Variants in ZNHIT3 observed in about 807,000 individuals in gnomAD.
ZNHIT3 encodes the protein zinc finger HIT-type containing 3, also known as zinc finger HIT domain-containing protein 3.
In ZNHIT3, 27 loss-of-function variants were observed where a neutral mutation model predicts 19.9. The ratio of observed to expected loss-of-function variants is 1.36; its 90% CI spans 1.00 to 1.87. ZNHIT3 has a LOEUF of 1.87. Ranked by LOEUF, ZNHIT3 falls within the 40% of genes most tolerant of loss-of-function variation. ZNHIT3 has a pLI of 0.00. For synonymous variants in ZNHIT3, 81 were observed against 65.7 expected (o/e 1.23, Z -1.13); for missense variants, 215 against 185.6 (o/e 1.16, Z -0.92).
At chr17:36,498,634 C>CT (rs1016172409), downstream of ZNHIT3, 6 of 1,449,268 alleles carry the variant, frequency 4.1e-6, no homozygotes, top group African/African-American at 7.1e-5. Flanking sequence ...TCAAAACTAT[C>CT]TTTAACAAAT....
chr17:36,493,101 G>A (rs1001547696), intron 3 of ZNHIT3: 3 of 602,150 alleles, frequency 5.0e-6, no homozygotes, highest in African/African-American at 3.7e-5. Flanking sequence ...GTATTCAGGA[G>A]AAGAAAAATG....
chr17:36,496,214 G>A (rs756348401), downstream of ZNHIT3: 12 of 1,609,938 alleles, frequency 7.5e-6, no homozygotes, highest in Admixed American at 5.0e-5. Flanking sequence ...AAGGCAGGGG[G>A]CAGGAAAAGG....
In ZNHIT3 at chr17:36,492,868, T is replaced by C. The variant is rs904573066; in HGVS notation, c.174T>C (p.Pro58=). The C allele has an allele frequency of 1.9e-6, 3 of 1,614,098 alleles. No individual in the cohort carries two copies. In the African/African-American group the frequency reaches 4.0e-5, roughly 22 times the overall value. Residue 58 remains proline, a synonymous_variant, in exon 3 of 5, where the codon CCT becomes CCC. Transcript: ENST00000617429. ...AGAAAAAAATAAGATCAGCTCTTCC[T>C]ACCAAAACCGTAAAGCCTGTGGAAA... ...PVEKKIRSAL[P]TKTVKPVENK...
chr17:36,498,486 G>C (rs770644004), downstream of ZNHIT3: 16 of 1,613,944 alleles, frequency 9.9e-6, no homozygotes, highest in East Asian at 6.7e-5. Flanking sequence ...GGTGCTCAGG[G>C]AACAGGGAGC....
downstream of ZNHIT3, chr17:36,495,943 A>G (rs79600307): frequency 1.7e-4 from 176 of 1,014,738 alleles, no homozygotes; most frequent in African/African-American, 2.7e-3. Context: ...TGGGATCCCC[A>G]GTGTAGTGAC....
Position 36,486,724 on chromosome 17 carries a change from G to A in ZNHIT3, c.25G>A (p.Val9Ile), listed in dbSNP as rs1361144102. The A allele has an allele frequency of 1.9e-6, 3 of 1,613,770 alleles. No individual in the cohort carries two copies. The highest frequency in any genetic ancestry group is 1.7e-5 in the Admixed American group (1 of 59,972). MASLKCST[V>I]VCVICLEKPK... ...CATGGCGTCGCTCAAATGTAGCACC[G>A]TCGTCTGCGTGATCTGCTTGGAGAA... Residue 9 changes from valine to isoleucine, a missense_variant, in exon 1 of 5, where the codon GTC becomes ATC. By Grantham distance (29) the Val-to-Ile change is conservative (BLOSUM62 3). Coordinates refer to ENST00000617429, the MANE Select transcript of ZNHIT3 (RefSeq NM_004773.4).
intron 3 of ZNHIT3, chr17:36,493,402 AAGC>A (rs1178272328): frequency 5.8e-6 from 1 of 173,758 alleles, no homozygotes; most frequent in East Asian, 1.7e-4. Context: ...CAGGCTCTGA[AAGC>A]AGCCCCTCTG....
downstream of ZNHIT3, chr17:36,496,059 C>A: frequency 1.2e-6 from 1 of 852,256 alleles, no homozygotes; most frequent in East Asian, 2.7e-5. Flanking sequence ...ACCATCAGTG[C>A]TTGATGTAGC....
At chr17:36,499,140 G>T, downstream of ZNHIT3, 1 of 1,607,854 alleles carries the variant, frequency 6.2e-7, no homozygotes, top group South Asian at 1.1e-5. Flanking sequence ...ATGTGTTTCC[G>T]AGTTAACCAG....
intron 3 of ZNHIT3, chr17:36,493,128 G>C: frequency 1.7e-6 from 1 of 581,764 alleles, no homozygotes; most frequent in Non-Finnish European, 3.0e-6. Flanking sequence ...AGACAGAGAT[G>C]AGAAAGGCCA....
At chr17:36,496,853 A>C (rs1276988076), downstream of ZNHIT3, among the ~76,000 whole-genome samples, 1 of 152,168 alleles carries the variant, frequency 6.6e-6, no homozygotes. Flanking sequence ...TGTCTTAGCC[A>C]AGATCATCCA....
downstream of ZNHIT3, chr17:36,496,146 G>GC (rs2070945861): frequency 2.1e-6 from 3 of 1,437,880 alleles, no homozygotes; most frequent in Non-Finnish European, 2.9e-6. Context: ...TTGTTCATGT[G>GC]CATTTGGAGC....
In ZNHIT3 at chr17:36,495,471, A is replaced by G; in HGVS notation, c.*67A>G. On this transcript the variant is annotated 3_prime_UTR_variant, in exon 5 of 5. Transcript: ENST00000617429. Reference sequence around the variant, plus strand: ...CTGGAACCTGCCTGCTCCCTCTCCCAGACCAGCTAGTTTGGGGCTGGGGAG... The same window carrying G: ...CTGGAACCTGCCTGCTCCCTCTCCCGGACCAGCTAGTTTGGGGCTGGGGAG... 1 of 1,478,284 alleles carries G rather than the reference A, an allele frequency of 6.8e-7. No individual in the cohort carries two copies. The highest frequency in any genetic ancestry group is 9.0e-7 in the Non-Finnish European group (1 of 1,117,238). The allele number at this position is 1,478,284 out of a possible 1,614,324, so 91.6% of individuals were successfully genotyped here. A position where few individuals can be genotyped will look rare whatever the true frequency, so the allele number is the denominator to read the frequency against.
intron 3 of ZNHIT3, chr17:36,493,175 G>T: frequency 2.0e-6 from 1 of 507,332 alleles, no homozygotes. Flanking sequence ...GGCCCTGCTG[G>T]CAGGAGCCTT....
chr17:36,498,818 C>T (rs1304115241), downstream of ZNHIT3: 2 of 594,380 alleles, frequency 3.4e-6, no homozygotes, highest in African/African-American at 3.7e-5. Flanking sequence ...TGCCATAAAA[C>T]CCAGTCTTCT....
chr17:36,487,551 T>C (rs2070602784), intron 2 of ZNHIT3, among the ~76,000 whole-genome samples: 1 of 152,164 alleles, frequency 6.6e-6, no homozygotes, highest in Non-Finnish European at 1.5e-5. Flanking sequence ...CCCGGCACTT[T>C]GAGAGGCCAA....
downstream of ZNHIT3, chr17:36,498,633 T>G: frequency 6.9e-7 from 1 of 1,451,636 alleles, no homozygotes; most frequent in South Asian, 1.4e-5. Flanking sequence ...ATCAAAACTA[T>G]CTTTAACAAA....
At chr17:36,487,801 G>C (rs1204269931) in intron 2 of ZNHIT3, among the ~76,000 whole-genome samples, 1 of 128,582 alleles carries the variant, frequency 7.8e-6, no homozygotes, top group Non-Finnish European at 1.6e-5. Flanking sequence ...GAAAAAAAAA[G>C]AAAAAAAAAA....
chr17:36,491,389 TG>T (rs1224753621), intron 2 of ZNHIT3: 1 of 152,080 alleles, frequency 6.6e-6, no homozygotes, highest in Non-Finnish European at 1.5e-5. Context: ...TGGAGTGCAG[TG>T]GTGTGATCAC....
Sources: allele counts gnomAD v4.1 joint callset (sites outside exome capture counted in the v4.1 genomes callset), GRCh38; gene constraint gnomAD v4.1.1; transcripts MANE v1.5; gene names NCBI Gene and HGNC (gene_info 2026-07-23, HGNC 2026-07-21).